ATP10B: variants seen among roughly 807,000 people sequenced by gnomAD.
ATP10B encodes the protein phospholipid-transporting ATPase VB.
ATP10B carries 122 observed loss-of-function variants against 141.2 expected under a neutral mutation model. The observed-to-expected ratio is 0.86, with a 90% confidence interval of 0.75 to 1.00. The LOEUF (loss-of-function observed/expected upper bound fraction) is 1.00. Among genes scored for constraint, ATP10B ranks in the 50% least tolerant of loss-of-function variants. The pLI is 0.00. For missense variants in ATP10B, 1,876 were observed against 1,825.3 expected, an observed-to-expected ratio of 1.03 and a Z score of -0.51; for synonymous variants, 685 against 692.0, an observed-to-expected ratio of 0.99 and a Z score of 0.16.
At chr5:160,601,270 G>T (rs1216733422) in intron 21 of ATP10B, among the ~76,000 whole-genome samples, 1 of 152,202 alleles carries the variant, frequency 6.6e-6, no homozygotes, top group Non-Finnish European at 1.5e-5. Context: ...AGGTGACTGT[G>T]TCAGAGTCTG....
At chr5:160,682,051 A>G (rs1247323483) in intron 6 of ATP10B, among the ~76,000 whole-genome samples, 1 of 152,226 alleles carries the variant, frequency 6.6e-6, no homozygotes, top group East Asian at 1.9e-4. Context: ...CATGAGTAAT[A>G]CTGCTTTTTA....
intron 2 of ATP10B, among the ~76,000 whole-genome samples, chr5:160,748,591 T>C (rs1051142407): frequency 1.3e-5 from 2 of 152,190 alleles, no homozygotes; most frequent in South Asian, 4.1e-4. Flanking sequence ...ACCTGGCTCC[T>C]GCAGGGGTGC....
intron 6 of ATP10B, among the ~76,000 whole-genome samples, chr5:160,676,433 A>G (rs1763032941): frequency 6.6e-6 from 1 of 152,220 alleles, no homozygotes; most frequent in South Asian, 2.1e-4. Context: ...GGCACTGGAC[A>G]TGACGGTGCA....
At chr5:160,583,348 G>A (rs920497076) in intron 24 of ATP10B, among the ~76,000 whole-genome samples, 1 of 152,142 alleles carries the variant, frequency 6.6e-6, no homozygotes, top group African/African-American at 2.4e-5. Context: ...GTCTGCTGGA[G>A]TTTGCTGGAG....
intron 13 of ATP10B, among the ~76,000 whole-genome samples, chr5:160,628,582 C>A (rs1758736237): frequency 1.3e-5 from 2 of 151,746 alleles, no homozygotes; most frequent in South Asian, 2.1e-4. Flanking sequence ...GTTGCATTCT[C>A]TTCAGAAGGG....
intron 2 of ATP10B, among the ~76,000 whole-genome samples, chr5:160,736,090 G>A (rs1278217388): frequency 3.3e-5 from 5 of 151,968 alleles, no homozygotes; most frequent in African/African-American, 4.8e-5. Flanking sequence ...AAAAGCAAGA[G>A]CAAACCAAAC....
chr5:160,774,788 CTGTT>C (rs1370006661), intron 2 of ATP10B, among the ~76,000 whole-genome samples: 13 of 152,162 alleles, frequency 8.5e-5, no homozygotes, highest in Admixed American at 7.2e-4. Context: ...CTGGCTTTGT[CTGTT>C]TGTGAAGGGC....
chr5:160,877,034 T>C, the ATP10B span, among the ~76,000 whole-genome samples: 1 of 152,056 alleles, frequency 6.6e-6, no homozygotes, highest in Non-Finnish European at 1.5e-5. Flanking sequence ...TAACTCATTT[T>C]ATGAGGCCAG....
At chr5:160,793,280 TAAC>T (rs1771717494) in intron 1 of ATP10B, among the ~76,000 whole-genome samples, 1 of 152,098 alleles carries the variant, frequency 6.6e-6, no homozygotes. Context: ...AGCTGACTAT[TAAC>T]AATAAAATGC....
At chr5:160,660,391 C>A (rs1228275579) in intron 7 of ATP10B, among the ~76,000 whole-genome samples, 4 of 152,106 alleles carry the variant, frequency 2.6e-5, no homozygotes, top group Admixed American at 2.0e-4. Flanking sequence ...TAATGAAAGA[C>A]AATAAATGCA....
rs1754754831 is a variant in ATP10B, at chr5:160,569,647, G to A, written c.3787C>T (p.Leu1263=). ...AGGAGGGATACCAGAAAGTACATCA[G>A]GAAGCTGCCGAGGAGCACGACTCCG... ...FHGVVLLGSF[L]MYFLVSLLYN... is the part of the protein sequence containing the mutation. Residue 1263 remains leucine, a synonymous_variant, in exon 25 of 26, where the codon CTG becomes TTG. Transcript: ENST00000327245. The A allele has an allele frequency of 6.2e-7, 1 of 1,602,066 alleles. No homozygotes were observed. The highest frequency in any genetic ancestry group is 2.3e-5 in the East Asian group (1 of 44,186).
At chr5:160,873,574 C>T in the ATP10B span, among the ~76,000 whole-genome samples, 6 of 152,214 alleles carry the variant, frequency 3.9e-5, no homozygotes, top group East Asian at 1.9e-4. Context: ...CAGCTCCCAG[C>T]GTGAGCGACA....
At chr5:160,832,350 C>A (rs1775144831) in intron 1 of ATP10B, among the ~76,000 whole-genome samples, 1 of 151,944 alleles carries the variant, frequency 6.6e-6, no homozygotes, top group African/African-American at 2.4e-5. Flanking sequence ...GATGGCTCAA[C>A]CAATATAACA....
At chr5:160,766,973 C>A (rs1255575196) in intron 2 of ATP10B, among the ~76,000 whole-genome samples, 1 of 151,994 alleles carries the variant, frequency 6.6e-6, no homozygotes, top group African/African-American at 2.4e-5. Context: ...ATTTTTCAAG[C>A]TTGGTGGAGA....
chr5:160,738,906 C>T (rs1336679945), intron 2 of ATP10B, among the ~76,000 whole-genome samples: 1 of 151,960 alleles, frequency 6.6e-6, no homozygotes, highest in East Asian at 1.9e-4. Context: ...TATTACCAGA[C>T]AAACACATCA....
At chr5:160,812,034 G>GAGAGAGAC in intron 1 of ATP10B, among the ~76,000 whole-genome samples, 1 of 150,220 alleles carries the variant, frequency 6.7e-6, no homozygotes, top group African/African-American at 2.4e-5. Flanking sequence ...GAGAGAGAGA[G>GAGAGAGAC]AGAGAGAGAG....
the ATP10B span, among the ~76,000 whole-genome samples, chr5:160,880,288 G>A: frequency 0.8 from 117,353 of 147,394 alleles, 47,487 homozygotes; most frequent in East Asian, 0.98. Flanking sequence ...AAACTATGAT[G>A]AAAGAAATCA....
intron 13 of ATP10B, among the ~76,000 whole-genome samples, chr5:160,627,398 A>G (rs768883867): frequency 1.4e-4 from 22 of 152,346 alleles, no homozygotes; most frequent in Middle Eastern, 3.4e-3. Context: ...CTAGGACAGT[A>G]TATGCCACAG....
the ATP10B span, among the ~76,000 whole-genome samples, chr5:160,864,544 A>G: frequency 8.6e-5 from 13 of 151,974 alleles, no homozygotes; most frequent in Non-Finnish European, 1.5e-4. Context: ...CATTACTTCT[A>G]TTCGACATAG....
Sources: allele counts gnomAD v4.1 joint callset (sites outside exome capture counted in the v4.1 genomes callset), GRCh38; gene constraint gnomAD v4.1.1; transcripts MANE v1.5; gene names NCBI Gene and HGNC (gene_info 2026-07-23, HGNC 2026-07-21).